UBE4B: variants seen among roughly 807,000 people sequenced by gnomAD.
UBE4B encodes ubiquitination factor E4B.
A neutral mutation model predicts 148.1 loss-of-function variants in UBE4B; 27 were observed. That is an observed-to-expected ratio of 0.18 (90% CI 0.13 to 0.25). The LOEUF (loss-of-function observed/expected upper bound fraction) is 0.25, where lower values mean the gene tolerates loss of function less well. UBE4B is among the 10% of genes least tolerant of loss of function. The pLI is 1.00. For missense variants in UBE4B, 1,170 were observed against 1,662.4 expected (o/e 0.70, Z 5.15); for synonymous variants, 596 against 619.3 (o/e 0.96, Z 0.56).
intron 21 of UBE4B, among the ~76,000 whole-genome samples, chr1:10,156,304 A>G (rs1356144284): frequency 1.3e-5 from 2 of 149,258 alleles, no homozygotes; most frequent in African/African-American, 5.0e-5. Context: ...TAGTGGTACA[A>G]TTACAGCACC....
At chr1:10,130,644 C>T (rs1407122498) in intron 13 of UBE4B, 28 bp downstream of exon 13, 2 of 1,611,566 alleles carry the variant, frequency 1.2e-6, no homozygotes, top group East Asian at 2.2e-5. Flanking sequence ...TTGTACTTTG[C>T]TGCCCTTTTA....
At chr1:10,167,441 AAATAATAAT>A (rs200457569) in intron 23 of UBE4B, among the ~76,000 whole-genome samples, 7,605 of 147,162 alleles carry the variant, frequency 0.052, 518 homozygotes, top group East Asian at 0.22. Flanking sequence ...CCGTCTCAAA[AAATAATAAT>A]AATAATAATA....
intron 1 of UBE4B, among the ~76,000 whole-genome samples, chr1:10,060,792 C>T (rs996813019): frequency 3.3e-5 from 5 of 151,878 alleles, no homozygotes; most frequent in African/African-American, 1.2e-4. Context: ...GCCAGTCTCA[C>T]TCTGTTGCCT....
chr1:10,102,970 T>C lies in UBE4B; in HGVS notation c.458T>C (p.Val153Ala). The change falls in exon 5 of 28, where the codon GTG becomes GCG. Residue 153 changes from valine to alanine, a missense_variant. By Grantham distance (64) the Val-to-Ala change is moderately conservative (BLOSUM62 0). This residue lies in a region of UBE4B where 91 missense variants were observed against 120.5 expected (regional missense o/e 0.76). Coordinates refer to ENST00000343090, the MANE Select transcript of UBE4B (RefSeq NM_001105562.3). Reference protein sequence around the residue: ...SDKEPSSGPEVSEEQALQLVC... With the variant: ...SDKEPSSGPEASEEQALQLVC... ...CAGGAGCCTTCCTCGGGCCCTGAAG[T>C]GTCTGAAGAGCAGGCCTTACAGCTG... 3.7e-6 allele frequency: 6 copies of C among 1,612,368 alleles called. No homozygotes were observed. Among genetic ancestry groups the C allele is most frequent in the Non-Finnish European group, 5.1e-6 (6 of 1,178,766 alleles).
At chr1:10,112,050 T>C (rs1645230680) in intron 7 of UBE4B, among the ~76,000 whole-genome samples, 1 of 151,614 alleles carries the variant, frequency 6.6e-6, no homozygotes, top group Admixed American at 6.6e-5. Context: ...TGAAACAGAG[T>C]CGCTTTAAGA....
intron 7 of UBE4B, among the ~76,000 whole-genome samples, chr1:10,107,042 G>A (rs1645124017): frequency 6.6e-6 from 1 of 152,098 alleles, no homozygotes; most frequent in African/African-American, 2.4e-5. Context: ...TAATCCAGTG[G>A]CCCCTTCTCT....
chr1:10,116,059 C>T (rs1171483369), intron 7 of UBE4B, among the ~76,000 whole-genome samples: 1 of 152,200 alleles, frequency 6.6e-6, no homozygotes, highest in Non-Finnish European at 1.5e-5. Flanking sequence ...GTCAATTCCT[C>T]TTGGTCCTGT....
chr1:10,109,040 A>T (rs1050976253), intron 7 of UBE4B, among the ~76,000 whole-genome samples: 1 of 152,142 alleles, frequency 6.6e-6, no homozygotes, highest in South Asian at 2.1e-4. Context: ...GCCTTGCCTC[A>T]GATCTAAATT....
intron 27 of UBE4B, 29 bp downstream of exon 27, chr1:10,179,591 C>T (rs372963814): frequency 1.1e-5 from 18 of 1,609,078 alleles, no homozygotes; most frequent in East Asian, 8.9e-5. Flanking sequence ...TGAGGTGCAG[C>T]GCTGGCGTCA....
chr1:10,172,309 C>T (rs988199922), intron 25 of UBE4B, among the ~76,000 whole-genome samples: 4 of 152,220 alleles, frequency 2.6e-5, no homozygotes, highest in African/African-American at 9.6e-5. Context: ...TGTTTATTAA[C>T]TGTACACCTC....
intron 18 of UBE4B, among the ~76,000 whole-genome samples, chr1:10,146,760 C>T (rs538908377): frequency 1.2e-4 from 19 of 152,104 alleles, no homozygotes; most frequent in Admixed American, 4.6e-4. Flanking sequence ...TGGTGGTACT[C>T]GGTGGTTTGC....
chr1:10,166,678 C>G (rs1248831026), intron 23 of UBE4B, among the ~76,000 whole-genome samples: 2 of 151,976 alleles, frequency 1.3e-5, no homozygotes, highest in Non-Finnish European at 2.9e-5. Context: ...AATCCCAGCT[C>G]TTTGGGAGGT....
chr1:10,108,996 C>T (rs1645168876), intron 7 of UBE4B, among the ~76,000 whole-genome samples: 1 of 152,144 alleles, frequency 6.6e-6, no homozygotes, highest in Non-Finnish European at 1.5e-5. Flanking sequence ...GCTGCTTTTA[C>T]TAATACCTCT....
At chr1:10,094,596 G>T (rs1023867211) in intron 2 of UBE4B, among the ~76,000 whole-genome samples, 15 of 151,400 alleles carry the variant, frequency 9.9e-5, no homozygotes, top group African/African-American at 3.4e-4. Context: ...ACCACGCCCA[G>T]CTAATTTTTT....
At chr1:10,158,613 A>C in intron 22 of UBE4B, 131 bp downstream of exon 22, 1 of 1,195,402 alleles carries the variant, frequency 8.4e-7, no homozygotes, top group Non-Finnish European at 1.2e-6. Flanking sequence ...AGTTTACCAC[A>C]AGATGCCACT....
chr1:10,144,916 T>A, intron 17 of UBE4B, 24 bp from the exon 18 acceptor site: 2 of 1,576,892 alleles, frequency 1.3e-6, no homozygotes, highest in Non-Finnish European at 1.7e-6. Flanking sequence ...TTTCTTTCAT[T>A]TGACTGTTAG....
chr1:10,137,702 C>T (rs1447235778), intron 17 of UBE4B, among the ~76,000 whole-genome samples: 2 of 152,104 alleles, frequency 1.3e-5, no homozygotes, highest in Non-Finnish European at 2.9e-5. Flanking sequence ...TTCATTAGCA[C>T]CATGGTTGTG....
intron 26 of UBE4B, 27 bp downstream of exon 26, chr1:10,178,845 G>C (rs1646465467): frequency 1.3e-6 from 2 of 1,558,098 alleles, no homozygotes; most frequent in Admixed American, 4.2e-5. Flanking sequence ...TTTTCATGCT[G>C]ATTTCTTTTG....
chr1:10,150,584 G>A (rs1273255041), intron 20 of UBE4B, among the ~76,000 whole-genome samples: 1 of 152,202 alleles, frequency 6.6e-6, no homozygotes, highest in Admixed American at 6.5e-5. Context: ...ACTGTAGGCT[G>A]GGTGCAATGG....
Sources: allele counts gnomAD v4.1 joint callset (sites outside exome capture counted in the v4.1 genomes callset), GRCh38; gene constraint gnomAD v4.1.1; regional missense constraint gnomAD v4.1.1; transcripts MANE v1.5; gene names NCBI Gene and HGNC (gene_info 2026-07-23, HGNC 2026-07-21).